Variants in AKAP12 observed in about 807,000 individuals in gnomAD.
The protein encoded by AKAP12 is A-kinase anchoring protein 12.
A neutral mutation model predicts 79.9 loss-of-function variants in AKAP12; 32 were observed. The ratio of observed to expected loss-of-function variants is 0.40; its 90% confidence interval spans 0.30 to 0.54. The LOEUF (loss-of-function observed/expected upper bound fraction) is 0.54, where lower values mean the gene tolerates loss of function less well. Ranked by LOEUF, AKAP12 falls within the 20% of genes least tolerant of loss-of-function variation. The pLI is 0.48. For missense variants in AKAP12, 2,074 were observed against 2,177.0 expected, an observed-to-expected ratio of 0.95 and a Z score of 0.94; for synonymous variants, 808 against 857.0, an observed-to-expected ratio of 0.94 and a Z score of 1.00.
At chr6:151,304,169 T>G (rs1170637379) in intron 2 of AKAP12, among the ~76,000 whole-genome samples, 6 of 152,138 alleles carry the variant, frequency 3.9e-5, no homozygotes, top group Admixed American at 6.5e-5. Flanking sequence ...TAAAATTTTT[T>G]TACCTATATT....
chr6:151,355,185 C>T (rs190800171), intron 4 of AKAP12, among the ~76,000 whole-genome samples: 5 of 151,586 alleles, frequency 3.3e-5, no homozygotes, highest in African/African-American at 4.8e-5. Context: ...TTAGTAGAGA[C>T]GGAGTTTCCC....
At chr6:151,277,529 A>T (rs1423983462) in intron 2 of AKAP12, among the ~76,000 whole-genome samples, 2 of 152,202 alleles carry the variant, frequency 1.3e-5, no homozygotes, top group South Asian at 2.1e-4. Context: ...AAATTCCTTT[A>T]CCTCAAAATT....
intron 2 of AKAP12, among the ~76,000 whole-genome samples, chr6:151,272,082 G>A (rs935796835): frequency 2.0e-5 from 3 of 152,246 alleles, no homozygotes; most frequent in South Asian, 2.1e-4. Context: ...GGCTCATGCT[G>A]TAATCCCTGC....
At chr6:151,287,410 G>A (rs1310547090) in intron 2 of AKAP12, among the ~76,000 whole-genome samples, 1 of 152,018 alleles carries the variant, frequency 6.6e-6, no homozygotes. Flanking sequence ...ACAGACACAA[G>A]TCAGCACGCC....
intron 3 of AKAP12, among the ~76,000 whole-genome samples, chr6:151,335,686 G>A (rs970629825): frequency 2.0e-5 from 3 of 152,064 alleles, no homozygotes; most frequent in Admixed American, 6.6e-5. Context: ...GCCCAAAGCT[G>A]GTCTCAGACT....
chr6:151,354,523 G>A (rs576677788), intron 4 of AKAP12, among the ~76,000 whole-genome samples: 7 of 151,992 alleles, frequency 4.6e-5, no homozygotes, highest in East Asian at 1.9e-4. Context: ...ACAGGTGCCC[G>A]CCACCATACC....
At chr6:151,287,487 T>C (rs1776528954) in intron 2 of AKAP12, among the ~76,000 whole-genome samples, 1 of 152,172 alleles carries the variant, frequency 6.6e-6, no homozygotes, top group Non-Finnish European at 1.5e-5. Flanking sequence ...TGTCTAACTC[T>C]TGGACTCCAG....
intron 2 of AKAP12, among the ~76,000 whole-genome samples, chr6:151,288,714 G>T (rs547328965): frequency 1.1e-4 from 17 of 152,264 alleles, no homozygotes; most frequent in African/African-American, 4.1e-4. Flanking sequence ...CCGTTCAGAA[G>T]TCACAACTCA....
chr6:151,294,118 C>T (rs1307246243), intron 2 of AKAP12, among the ~76,000 whole-genome samples: 2 of 152,014 alleles, frequency 1.3e-5, no homozygotes, highest in African/African-American at 2.4e-5. Flanking sequence ...GGACTACAGG[C>T]GAGTGCCACC....
Position 151,351,857 on chromosome 6 carries a change from C to T in AKAP12, c.3466C>T (p.Gln1156Ter). The change falls in exon 4 of 5, where the codon CAG (glutamine) becomes TAG (stop). Residue 1156 changes from glutamine (Q) to a stop codon, truncating the protein, a stop_gained. Transcript: ENST00000402676. LOFTEE classifies it low-confidence loss of function (END_TRUNC). This position sits in a 1 kb window ranked among gnomAD's most constrained non-coding sequence, Gnocchi z 4.4. ...AAAATCACAGGAGATGGTGATGGAA[C>T]AGGCTATCCCCCCTGACTCGGTGGA... is the stretch of plus-strand genomic sequence containing the variant. ...GVKSQEMVME[Q>*]AIPPDSVETP... 1 of 1,614,104 alleles carries T rather than the reference C, an allele frequency of 6.2e-7. No individual in the cohort carries two copies. Among genetic ancestry groups the T allele is most frequent in the Non-Finnish European group, 8.5e-7 (1 of 1,180,020 alleles).
At chr6:151,324,576 T>G in intron 3 of AKAP12, 1 of 985,390 alleles carries the variant, frequency 1.0e-6, no homozygotes, top group Non-Finnish European at 1.2e-6. Flanking sequence ...CAAGCAATAA[T>G]GAACAAGATC....
intron 3 of AKAP12, among the ~76,000 whole-genome samples, chr6:151,328,348 CAGTA>C (rs1370806652): frequency 4.9e-5 from 5 of 102,780 alleles, no homozygotes; most frequent in African/African-American, 2.1e-4. Context: ...AAAAAATTGA[CAGTA>C]AGGTGGCCGG....
intron 3 of AKAP12, among the ~76,000 whole-genome samples, chr6:151,341,475 C>T (rs1472602016): frequency 1.3e-5 from 2 of 152,182 alleles, no homozygotes; most frequent in Admixed American, 6.5e-5. Flanking sequence ...CTGGGGCGGT[C>T]CGCAGGACCC....
chr6:151,342,731 GATT>G (rs1439021555), intron 3 of AKAP12, among the ~76,000 whole-genome samples: 1 of 152,160 alleles, frequency 6.6e-6, no homozygotes, highest in Admixed American at 6.5e-5. Flanking sequence ...GAGAGCATTT[GATT>G]ATTGTTAAGC....
intron 2 of AKAP12, among the ~76,000 whole-genome samples, chr6:151,247,608 A>C (rs1797099860): frequency 6.6e-6 from 1 of 152,142 alleles, no homozygotes; most frequent in African/African-American, 2.4e-5. Flanking sequence ...ATCACTTTTA[A>C]AATTTCTTCT....
At position 151,358,136 on chromosome 6, in the gene AKAP12, C is replaced by G. The variant is rs1778488808; in HGVS notation, c.*2422C>G. 1 of 152,182 alleles carries G rather than the reference C, an allele frequency of 6.6e-6. No homozygotes were observed. Among genetic ancestry groups the G allele is most frequent in the Non-Finnish European group, 1.5e-5 (1 of 68,032 alleles). 9.4% of individuals were successfully genotyped at this position (152,182 alleles called of 1,614,324 possible). ...TGAAATATAATACTGTTTTATAATT[C>G]TAAAGCTGCTGTTAATTTATGAAGT... is the stretch of plus-strand genomic sequence containing the variant. On this transcript the variant is annotated 3_prime_UTR_variant, in exon 5 of 5. Transcript: ENST00000402676.
At chr6:151,345,221 G>A (rs1007057267) in intron 3 of AKAP12, among the ~76,000 whole-genome samples, 9 of 151,468 alleles carry the variant, frequency 5.9e-5, no homozygotes, top group East Asian at 2.0e-4. Flanking sequence ...GATTACAGGC[G>A]CCTGCCACCA....
chr6:151,319,353 C>A (rs528032268), intron 3 of AKAP12, among the ~76,000 whole-genome samples: 2 of 151,572 alleles, frequency 1.3e-5, no homozygotes, highest in South Asian at 4.2e-4. Context: ...GATAACCTGA[C>A]AGTGTCATTT....
chr6:151,314,810 T>G (rs1317643230), intron 3 of AKAP12, among the ~76,000 whole-genome samples: 1 of 151,978 alleles, frequency 6.6e-6, no homozygotes, highest in Non-Finnish European at 1.5e-5. Flanking sequence ...ATCCCAGCAC[T>G]TTGGGAGGCT....
Sources: gnomAD v4.1 joint callset for allele counts (sites outside exome capture counted in the v4.1 genomes callset) on GRCh38, gnomAD v4.1.1 for gene constraint, Gnocchi (gnomAD v3.1) non-coding constraint, MANE v1.5 for transcripts, NCBI Gene and HGNC (gene_info 2026-07-23, HGNC 2026-07-21) for gene names.